The following USH2A variants were observed in gnomAD, a reference collection of about 807,000 sequenced individuals.
The protein encoded by USH2A is Usher syndrome 2A (autosomal recessive, mild).
Under a neutral mutation model 538.9 loss-of-function variants are expected in USH2A, and 443 were observed. The ratio of observed to expected loss-of-function variants is 0.82; its 90% CI spans 0.76 to 0.89. The LOEUF is 0.89. Ranked by LOEUF, USH2A falls within the 40% of genes least tolerant of loss-of-function variation. USH2A has a pLI of 0.00. For synonymous variants in USH2A, 2,413 were observed against 2,273.5 expected, an observed-to-expected ratio of 1.06 and a Z score of -1.75; for missense variants, 6,633 against 6,324.8, an observed-to-expected ratio of 1.05 and a Z score of -1.65.
rs368877266 is a variant in USH2A at position 215,879,069 on chromosome 1, G to A, written c.8253C>T (p.Asn2751=). 25 of 1,613,816 alleles carry A rather than the reference G, an allele frequency of 1.5e-5. No homozygotes were observed. The Admixed American group carries it at 1.7e-4, about 11-fold the overall frequency. ...QVTWKPPLIQ[N]GDILSYEIHM... is the part of the protein sequence containing the mutation. Reference sequence around the variant, plus strand: ...GAATCTCATAGCTAAGTATGTCTCCGTTCTGGATGAGTGGGGGTTTCCAAG... The same window carrying A: ...GAATCTCATAGCTAAGTATGTCTCCATTCTGGATGAGTGGGGGTTTCCAAG... The change falls in exon 42 of 72, where the codon AAC becomes AAT. Residue 2751 remains asparagine, a synonymous_variant. Transcript: ENST00000307340.
intron 44 of USH2A, among the ~76,000 whole-genome samples, chr1:215,859,648 A>G (rs2102433532): frequency 6.6e-6 from 1 of 152,196 alleles, no homozygotes; most frequent in East Asian, 2.0e-4. Flanking sequence ...GCTTTGGTGT[A>G]CTTAGGGGGC....
intron 2 of USH2A, among the ~76,000 whole-genome samples, chr1:216,419,861 T>A (rs2039646152): frequency 6.6e-6 from 1 of 151,914 alleles, no homozygotes; most frequent in Non-Finnish European, 1.5e-5. Context: ...ATCACTTGCA[T>A]CTATTTTTTT....
chr1:215,723,693 A>G (rs1253596447), intron 61 of USH2A, among the ~76,000 whole-genome samples: 1 of 152,210 alleles, frequency 6.6e-6, no homozygotes, highest in Non-Finnish European at 1.5e-5. Flanking sequence ...AGAGTGGCCA[A>G]TAAACAAAAA....
chr1:215,936,056 C>T (rs987014602), intron 37 of USH2A, among the ~76,000 whole-genome samples: 2 of 151,662 alleles, frequency 1.3e-5, no homozygotes, highest in African/African-American at 4.8e-5. Context: ...TAAAAGAGCA[C>T]CAATATTTAC....
Position 215,670,515 on chromosome 1 carries a change from C to G in USH2A, c.14133+457G>C, listed in dbSNP as rs376839678. On this transcript the variant is annotated intron_variant, in intron 64 of 71. Coordinates refer to ENST00000307340, the MANE Select transcript of USH2A (RefSeq NM_206933.4). ...CCTCAGAGAAAACTTAACTCATCGC[C>G]ATGGGCAGGTGAGTTGTATTCCTCT... 2.6e-4 allele frequency among the ~76,000 whole-genome samples: 40 copies of G among 152,228 alleles called. No individual in the cohort carries two copies. In the East Asian group the frequency reaches 6.2e-3, roughly 24 times the overall value.
chr1:216,178,740 G>C (rs1169392333), intron 20 of USH2A, among the ~76,000 whole-genome samples: 1 of 152,062 alleles, frequency 6.6e-6, no homozygotes, highest in Admixed American at 6.6e-5. Context: ...AATGTTCTAG[G>C]ACTGTAATGT....
chr1:216,169,168 T>C (rs1002900989), intron 21 of USH2A, among the ~76,000 whole-genome samples: 1 of 152,084 alleles, frequency 6.6e-6, no homozygotes, highest in African/African-American at 2.4e-5. Context: ...GATGAGTATA[T>C]AGGAACACAC....
At chr1:215,902,045 A>G (rs890011818) in intron 38 of USH2A, among the ~76,000 whole-genome samples, 27 of 152,184 alleles carry the variant, frequency 1.8e-4, no homozygotes, top group African/African-American at 6.3e-4. Flanking sequence ...CTATTATTAC[A>G]TTGGACTGAC....
chr1:216,280,693 A>G (rs1043393933), intron 11 of USH2A, among the ~76,000 whole-genome samples: 1 of 77,530 alleles, frequency 1.3e-5, no homozygotes. Context: ...TGGCATTCAC[A>G]TAAGGAAGAA....
chr1:215,841,503 T>C (rs1333535348), intron 46 of USH2A, among the ~76,000 whole-genome samples: 1 of 152,162 alleles, frequency 6.6e-6, no homozygotes, highest in African/African-American at 2.4e-5. Flanking sequence ...TGCAGAAAAT[T>C]GAAACTGGAT....
At chr1:215,633,397 G>C (rs909165112) in intron 70 of USH2A, among the ~76,000 whole-genome samples, 5 of 152,152 alleles carry the variant, frequency 3.3e-5, no homozygotes, top group African/African-American at 1.2e-4. Flanking sequence ...GTGGACCTCG[G>C]AGGGCCCACT....
intron 4 of USH2A, among the ~76,000 whole-genome samples, chr1:216,337,664 A>C (rs2037999660): frequency 6.6e-6 from 1 of 151,324 alleles, no homozygotes; most frequent in Non-Finnish European, 1.5e-5. Flanking sequence ...TGTTAAAGGA[A>C]TGTCTAGACC....
intron 70 of USH2A, chr1:215,630,184 G>A: frequency 2.0e-6 from 1 of 495,842 alleles, no homozygotes; most frequent in South Asian, 1.4e-5. Flanking sequence ...AGCACACAGA[G>A]GTACCTCAAA....
intron 43 of USH2A, among the ~76,000 whole-genome samples, chr1:215,870,100 C>G (rs370252731): frequency 1.3e-4 from 13 of 100,872 alleles, no homozygotes; most frequent in African/African-American, 5.5e-4. Flanking sequence ...TAAGTTTGCA[C>G]AACTAGTTAA....
At chr1:216,007,667 T>C (rs1280245290) in intron 32 of USH2A, among the ~76,000 whole-genome samples, 3 of 152,322 alleles carry the variant, frequency 2.0e-5, no homozygotes, top group Admixed American at 6.5e-5. Context: ...CCAAGTGTGA[T>C]GTAGAAGCAC....
chr1:215,968,199 T>C (rs758600886), intron 36 of USH2A, among the ~76,000 whole-genome samples: 4 of 152,188 alleles, frequency 2.6e-5, no homozygotes, highest in South Asian at 4.1e-4. Flanking sequence ...AACTTGACAA[T>C]GCACATTAGC....
intron 21 of USH2A, among the ~76,000 whole-genome samples, chr1:216,121,627 C>A (rs1266167885): frequency 6.6e-6 from 1 of 152,128 alleles, no homozygotes; most frequent in African/African-American, 2.4e-5. Context: ...ATAGATTCTG[C>A]AGCAGCCCAT....
Position 215,996,560 on chromosome 1 carries a change from G to GTTTTTTTTT in USH2A, c.6657+2318_6657+2326dup, listed in dbSNP as rs753233925. Among the ~76,000 whole-genome samples, 24 of 51,718 alleles carry GTTTTTTTTT rather than the reference G, an allele frequency of 4.6e-4. 4 individuals carry two copies. Among genetic ancestry groups the GTTTTTTTTT allele is most frequent in the Admixed American group, 6.4e-4 (2 of 3,120 alleles). 33.9% of individuals were successfully genotyped at this position (51,718 alleles called of 152,430 possible). On this transcript the variant is annotated intron_variant, in intron 34 of 71. Coordinates refer to ENST00000307340, the MANE Select transcript of USH2A (RefSeq NM_206933.4). ...TTTGTTGAGAGTAGCAACATATTATGTTTTTTTTTTTTTTTTTTTTTTTTT... is the reference window on the plus strand; with the variant it reads ...TTTGTTGAGAGTAGCAACATATTATGTTTTTTTTTTTTTTTTTTTTTTTTTTTTTTTTTT...
In USH2A at chr1:216,196,571, A is replaced by C; in HGVS notation, c.4233T>G (p.Ile1411Met). Reference sequence around the variant, plus strand: ...ACAATACCTGTGAAAACGCCATGGGAATAGACTGTTGAGGTGATTGTTCAG... The same window carrying C: ...ACAATACCTGTGAAAACGCCATGGGCATAGACTGTTGAGGTGATTGTTCAG... ...MLSEQSPQQSIPMAFSQLLHT... is the reference protein window; with the variant it reads ...MLSEQSPQQSMPMAFSQLLHT... Residue 1411 changes from isoleucine (I) to methionine (M), a missense_variant, in exon 19 of 72, where the codon ATT becomes ATG. By Grantham distance (10) the Ile-to-Met change is conservative. Transcript: ENST00000307340. 1 of 1,613,530 alleles carries C rather than the reference A, an allele frequency of 6.2e-7. No individual in the cohort carries two copies. Among genetic ancestry groups the C allele is most frequent in the South Asian group, 1.1e-5 (1 of 91,074 alleles).
Sources: gnomAD v4.1 joint callset for allele counts (sites outside exome capture counted in the v4.1 genomes callset) on GRCh38, gnomAD v4.1.1 for gene constraint, MANE v1.5 for transcripts, NCBI Gene and HGNC (gene_info 2026-07-23, HGNC 2026-07-21) for gene names.